RORA: variants seen among roughly 807,000 people sequenced by gnomAD.
RORA encodes nuclear receptor ROR-alpha.
RORA carries 7 observed loss-of-function variants against 69.5 expected under a neutral mutation model. That is an observed-to-expected ratio of 0.10 (90% CI 0.06 to 0.19). The LOEUF (loss-of-function observed/expected upper bound fraction) is 0.19. Ranked by LOEUF, RORA falls within the 10% of genes least tolerant of loss-of-function variation. The probability of loss-of-function intolerance (pLI) is 1.00; values close to 1 mark genes in which losing one functional copy is unlikely to be tolerated. For missense variants in RORA, 457 were observed against 663.0 expected (o/e 0.69, Z 3.41); for synonymous variants, 261 against 240.8 (o/e 1.08, Z -0.78).
At chr15:60,833,676 G>A (rs1482215372) in intron 1 of RORA, among the ~76,000 whole-genome samples, 1 of 152,090 alleles carries the variant, frequency 6.6e-6, no homozygotes, top group Non-Finnish European at 1.5e-5. Flanking sequence ...CTGGAATCTG[G>A]CAACACCTCT....
rs142339953 is a variant in RORA, at chr15:60,538,349, G to A, written c.197-6498C>T. Among the ~76,000 whole-genome samples, 524 of 152,176 alleles carry A rather than the reference G, an allele frequency of 3.4e-3. 1 individual carries two copies. The highest frequency in any genetic ancestry group is 6.8e-3 in the Middle Eastern group (2 of 294). ...CCACTTCCTCCATCCATAAAAATGG[G>A]AATAATTCTTACCTCCCAGGCAGGT... is the stretch of plus-strand genomic sequence containing the variant. On this transcript the variant is annotated intron_variant, in intron 2 of 10. Coordinates refer to ENST00000335670, the MANE Select transcript of RORA (RefSeq NM_134261.3).
At chr15:60,896,734 T>A in intron 1 of RORA, among the ~76,000 whole-genome samples, 1 of 44,776 alleles carries the variant, frequency 2.2e-5, no homozygotes, top group African/African-American at 6.8e-5. Context: ...GAATTTAGCT[T>A]TTTTTTTTTT....
intron 1 of RORA, among the ~76,000 whole-genome samples, chr15:61,017,817 C>T (rs989416523): frequency 9.9e-5 from 15 of 152,204 alleles, no homozygotes; most frequent in African/African-American, 3.6e-4. Flanking sequence ...TTCCTGGAGA[C>T]AAACACATGT....
intron 1 of RORA, among the ~76,000 whole-genome samples, chr15:61,149,104 G>A (rs2079375727): frequency 6.6e-6 from 1 of 152,182 alleles, no homozygotes; most frequent in Non-Finnish European, 1.5e-5. Flanking sequence ...TGTGAGCCAG[G>A]TGTTAGAGAC....
chr15:60,835,247 A>G (rs1331136850), intron 1 of RORA, among the ~76,000 whole-genome samples: 2 of 152,208 alleles, frequency 1.3e-5, no homozygotes, highest in East Asian at 3.8e-4. Context: ...GCCCTAAAGG[A>G]GATCAGGCTT....
intron 1 of RORA, among the ~76,000 whole-genome samples, chr15:60,911,120 A>C (rs1472153140): frequency 8.0e-6 from 1 of 125,444 alleles, no homozygotes; most frequent in Non-Finnish European, 1.6e-5. Context: ...TTTTTAGTAG[A>C]AACAGGATTT....
chr15:60,855,184 T>C (rs2073366039), intron 1 of RORA, among the ~76,000 whole-genome samples: 1 of 152,238 alleles, frequency 6.6e-6, no homozygotes. Flanking sequence ...GAGAAATCTG[T>C]ACTTTAAAGT....
intron 1 of RORA, among the ~76,000 whole-genome samples, chr15:61,095,741 A>G (rs1387723441): frequency 1.3e-5 from 2 of 152,234 alleles, no homozygotes; most frequent in African/African-American, 4.8e-5. Flanking sequence ...TTCGAGGTGG[A>G]GTGCTGGGGA....
At chr15:60,864,741 C>A (rs1444232067) in intron 1 of RORA, among the ~76,000 whole-genome samples, 1 of 152,182 alleles carries the variant, frequency 6.6e-6, no homozygotes, top group African/African-American at 2.4e-5. Context: ...TATGAACTTA[C>A]ACATGATCTA....
At chr15:61,062,132 C>A (rs184397421) in intron 1 of RORA, among the ~76,000 whole-genome samples, 11 of 152,300 alleles carry the variant, frequency 7.2e-5, no homozygotes, top group Non-Finnish European at 1.5e-4. Context: ...TGGAGCACTG[C>A]CACCTCTTCA....
intron 8 of RORA, 52 bp from the exon 9 acceptor site, chr15:60,501,121 GA>G: frequency 1.1e-6 from 1 of 950,346 alleles, no homozygotes; most frequent in Non-Finnish European, 1.6e-6. Flanking sequence ...TGTCTTAGGA[GA>G]AAAACCTAGG....
intron 1 of RORA, among the ~76,000 whole-genome samples, chr15:61,073,630 G>T (rs187380759): frequency 9.2e-5 from 14 of 152,220 alleles, no homozygotes; most frequent in African/African-American, 3.4e-4. Context: ...ATTCAAATTC[G>T]CATCTCAATG....
At chr15:60,981,317 C>T (rs1002829262) in intron 1 of RORA, among the ~76,000 whole-genome samples, 4 of 151,978 alleles carry the variant, frequency 2.6e-5, no homozygotes, top group African/African-American at 9.7e-5. Flanking sequence ...ACTTGGAGTT[C>T]ATTGAGCTTT....
At chr15:61,013,266 T>C (rs2140397911) in intron 1 of RORA, among the ~76,000 whole-genome samples, 1 of 152,110 alleles carries the variant, frequency 6.6e-6, no homozygotes, top group South Asian at 2.1e-4. Context: ...GTAAATAGAG[T>C]TTTATTGGAT....
intron 1 of RORA, among the ~76,000 whole-genome samples, chr15:60,683,936 A>T (rs2070698010): frequency 6.6e-6 from 1 of 152,204 alleles, no homozygotes; most frequent in Non-Finnish European, 1.5e-5. Flanking sequence ...TCAGTAGGGA[A>T]GTTTCATTAT....
rs557696508 is a variant in RORA, at chr15:60,665,557, C to G, written c.196+13100G>C. ...TAAAGCTATCAGCCCTAAAATTTAG[C>G]CCTAATACTGAGACTCAAAATGCAT... On this transcript the variant is annotated intron_variant, in intron 2 of 10. Coordinates refer to ENST00000335670, the MANE Select transcript of RORA (RefSeq NM_134261.3). Among the ~76,000 whole-genome samples, 37 of 152,272 alleles carry G rather than the reference C, an allele frequency of 2.4e-4. 1 individual carries two copies. The highest frequency in any genetic ancestry group is 8.2e-4 in the African/African-American group (34 of 41,564).
chr15:60,988,081 T>G (rs1210377537), intron 1 of RORA, among the ~76,000 whole-genome samples: 1 of 152,196 alleles, frequency 6.6e-6, no homozygotes, highest in Non-Finnish European at 1.5e-5. Context: ...GCCATTGTGT[T>G]GAGAATCCAT....
At chr15:61,160,815 G>A (rs1023173388) in intron 1 of RORA, among the ~76,000 whole-genome samples, 4 of 152,154 alleles carry the variant, frequency 2.6e-5, no homozygotes, top group African/African-American at 7.2e-5. Context: ...AAGTCACAAT[G>A]CAGAGTGAAC....
chr15:60,928,632 G>A (rs1353919100), intron 1 of RORA, among the ~76,000 whole-genome samples: 1 of 152,156 alleles, frequency 6.6e-6, no homozygotes, highest in East Asian at 1.9e-4. Flanking sequence ...AAGACTCTGA[G>A]TTTGTCCAAT....
Sources: allele counts gnomAD v4.1 joint callset (sites outside exome capture counted in the v4.1 genomes callset), GRCh38; gene constraint gnomAD v4.1.1; transcripts MANE v1.5; gene names NCBI Gene and HGNC (gene_info 2026-07-23, HGNC 2026-07-21).